The following TNFSF13 variants were observed in gnomAD, a reference collection of about 807,000 sequenced individuals.
TNFSF13 encodes the protein tumor necrosis factor ligand superfamily member 13.
A neutral mutation model predicts 30.7 loss-of-function variants in TNFSF13; 18 were observed. The ratio of observed to expected loss-of-function variants is 0.59; its 90% CI spans 0.41 to 0.87. The LOEUF (loss-of-function observed/expected upper bound fraction) is 0.87, where lower values mean the gene tolerates loss of function less well. Ranked by LOEUF, TNFSF13 falls within the 40% of genes least tolerant of loss-of-function variation. The pLI is 0.00. For missense variants in TNFSF13, 286 were observed against 308.8 expected (o/e 0.93, Z 0.55); for synonymous variants, 116 against 123.2 (o/e 0.94, Z 0.39).
Position 7,560,959 on chromosome 17 carries a change from C to T in TNFSF13, c.*126C>T, listed in dbSNP as rs1466258509. 3.1e-6 allele frequency: 5 copies of T among 1,614,054 alleles called. No individual in the cohort carries two copies. In the East Asian group the frequency reaches 8.9e-5, roughly 29 times the overall value. ...CAGAGGCGTCTTCCTGGGTTTGGCT[C>T]CCCGTTCCTCACTTTTCCCTTTTCA... On this transcript the variant is annotated 3_prime_UTR_variant, in exon 6 of 6. Coordinates refer to ENST00000338784, the MANE Select transcript of TNFSF13 (RefSeq NM_003808.4).
Position 7,561,289 on chromosome 17 carries a change from CCTT to C in TNFSF13, c.*459_*461del. On this transcript the variant is annotated 3_prime_UTR_variant, in exon 6 of 6. Coordinates refer to ENST00000338784, the MANE Select transcript of TNFSF13 (RefSeq NM_003808.4). This position sits in a 1 kb window ranked among gnomAD's most constrained non-coding sequence, Gnocchi z 4.4. ...CCCCACAAGAAGCCTTATCCTACGT[CCTT>C]CTCTCCATCTATCGGACCCCAGTTT... The C allele has an allele frequency of 1.9e-6, 1 of 535,228 alleles. No homozygotes were observed. Among genetic ancestry groups the C allele is most frequent in the Non-Finnish European group, 3.3e-6 (1 of 298,564 alleles). 33.2% of individuals were successfully genotyped at this position (535,228 alleles called of 1,614,324 possible).
Position 7,560,931 on chromosome 17 carries a change from G to T in TNFSF13, c.*98G>T. The T allele has an allele frequency of 6.2e-7, 1 of 1,614,148 alleles. No homozygotes were observed. Among genetic ancestry groups the T allele is most frequent in the East Asian group, 2.2e-5 (1 of 44,888 alleles). On this transcript the variant is annotated 3_prime_UTR_variant, in exon 6 of 6. Transcript: ENST00000338784. Reference sequence around the variant, plus strand: ...TATATAAAGGAGAGGGAATGTGCAGGAACAGAGGCGTCTTCCTGGGTTTGG... The same window carrying T: ...TATATAAAGGAGAGGGAATGTGCAGTAACAGAGGCGTCTTCCTGGGTTTGG...
Position 7,559,667 on chromosome 17 carries a change from G to A in TNFSF13, c.302G>A (p.Arg101Gln), listed in dbSNP as rs1211999318. ...GCCTGGGAGAATGGGGAGAGATCCC[G>A]GAAAAGGAGAGCAGTGCTCACCCAA... is the stretch of plus-strand genomic sequence containing the variant. ...LEAWENGERS[R>Q]KRRAVLTQKQ... is the part of the protein sequence containing the mutation. Residue 101 changes from arginine (R) to glutamine (Q), a missense_variant, in exon 2 of 6, where the codon CGG becomes CAG. By Grantham distance (43) the Arg-to-Gln change is conservative. Coordinates refer to ENST00000338784, the MANE Select transcript of TNFSF13 (RefSeq NM_003808.4). This position sits in a 1 kb window ranked among gnomAD's most constrained non-coding sequence, Gnocchi z 5.4. 1.9e-6 allele frequency: 3 copies of A among 1,613,766 alleles called. No homozygotes were observed. Among genetic ancestry groups the A allele is most frequent in the Non-Finnish European group, 2.5e-6 (3 of 1,179,918 alleles).
chr17:7,559,095 G>A lies in TNFSF13; in HGVS notation c.56G>A (p.Gly19Glu). 4 of 1,597,802 alleles carry A rather than the reference G, an allele frequency of 2.5e-6. No individual in the cohort carries two copies. The highest frequency in any genetic ancestry group is 3.4e-6 in the Non-Finnish European group (4 of 1,168,262). ...LAPKGPPGNMGGPVREPALSV... is the reference protein window; with the variant it reads ...LAPKGPPGNMEGPVREPALSV... ...CCCAAAGGGCCTCCAGGCAACATGG[G>A]GGGCCCAGTCAGAGAGCCGGCACTC... The change falls in exon 1 of 6, where the codon GGG becomes GAG. Residue 19 changes from glycine to glutamate, a missense_variant. Gly to Glu is a moderately conservative substitution (Grantham distance 98). Coordinates refer to ENST00000338784, the MANE Select transcript of TNFSF13 (RefSeq NM_003808.4). The surrounding 1 kb of genome is among the most constrained non-coding windows in gnomAD (Gnocchi z 5.4).
In TNFSF13 at chr17:7,559,918, T is replaced by C; in HGVS notation, c.385+25T>C. 6.2e-7 allele frequency: 1 copy of C among 1,613,980 alleles called. No homozygotes were observed. The highest frequency in any genetic ancestry group is 8.5e-7 in the Non-Finnish European group (1 of 1,179,996). On this transcript the variant is annotated intron_variant, in intron 3 of 5. Coordinates refer to ENST00000338784, the MANE Select transcript of TNFSF13 (RefSeq NM_003808.4). This position sits in a 1 kb window ranked among gnomAD's most constrained non-coding sequence, Gnocchi z 5.4. ...GGTGAGCACTATTTTAAATAATGGCTTTGGGGAGGGGCAATAACCAGGAAC... is the reference window on the plus strand; with the variant it reads ...GGTGAGCACTATTTTAAATAATGGCCTTGGGGAGGGGCAATAACCAGGAAC...
rs2071119456 is a variant in TNFSF13 at position 7,558,985 on chromosome 17, C to G, written c.-55C>G. 1.3e-6 allele frequency: 2 copies of G among 1,481,730 alleles called. No homozygotes were observed. Among genetic ancestry groups the G allele is most frequent in the Admixed American group, 2.3e-5 (1 of 43,302 alleles). 91.8% of individuals were successfully genotyped at this position (1,481,730 alleles called of 1,614,324 possible). ...CTGCCCGTACCCTTACCCGCCCCGC[C>G]ACCTCCTTGCTACCCCACTCTTGAA... On this transcript the variant is annotated 5_prime_UTR_variant, in exon 1 of 6. Transcript: ENST00000338784. This position sits in a 1 kb window ranked among gnomAD's most constrained non-coding sequence, Gnocchi z 4.3.
rs1457555747 is a variant in TNFSF13, at chr17:7,559,713, C to T, written c.337+11C>T. 6.2e-7 allele frequency: 1 copy of T among 1,613,692 alleles called. No individual in the cohort carries two copies. The highest frequency in any genetic ancestry group is 1.3e-5 in the African/African-American group (1 of 74,870). Reference sequence around the variant, plus strand: ...CCCAAAAACAGAAGAGTGAGGCTTCCAGGGTGCAGCAGGGGTGGGAGGTGA... The same window carrying T: ...CCCAAAAACAGAAGAGTGAGGCTTCTAGGGTGCAGCAGGGGTGGGAGGTGA... On this transcript the variant is annotated intron_variant, in intron 2 of 5. Transcript: ENST00000338784. The surrounding 1 kb of genome is among the most constrained non-coding windows in gnomAD (Gnocchi z 5.4).
At position 7,559,888 on chromosome 17, in the gene TNFSF13, C is replaced by T; in HGVS notation, c.380C>T (p.Ser127Phe). 6.2e-7 allele frequency: 1 copy of T among 1,614,130 alleles called. No homozygotes were observed. Among genetic ancestry groups the T allele is most frequent in the Non-Finnish European group, 8.5e-7 (1 of 1,180,038 alleles). Residue 127 changes from serine to phenylalanine, a missense_variant, in exon 3 of 6, where the codon TCC becomes TTC. By Grantham distance (155) the Ser-to-Phe change is radical (BLOSUM62 -2). Transcript: ENST00000338784. This position sits in a 1 kb window ranked among gnomAD's most constrained non-coding sequence, Gnocchi z 5.4. ...VLHLVPINATSKDDSDVTEVM... is the reference protein window; with the variant it reads ...VLHLVPINATFKDDSDVTEVM... ...CACCTGGTTCCCATTAACGCCACCT[C>T]CAAGGGTGAGCACTATTTTAAATAA...
At chr17:7,560,674 C>G in intron 5 of TNFSF13, 50 bp from the exon 6 acceptor site, 1 of 1,613,294 alleles carries the variant, frequency 6.2e-7, no homozygotes, top group Non-Finnish European at 8.5e-7. Context: ...GGAAACAGGG[C>G]ATCTGGATGG....
In TNFSF13 at chr17:7,561,357, C is replaced by T. The variant is rs1266852728; in HGVS notation, c.*524C>T. 2 of 301,506 alleles carry T rather than the reference C, an allele frequency of 6.6e-6. No individual in the cohort carries two copies. The highest frequency in any genetic ancestry group is 4.4e-5 in the African/African-American group (2 of 45,412). The allele number at this position is 301,506 out of a possible 1,614,324, so 18.7% of individuals were successfully genotyped here. A position where few individuals can be genotyped will look rare whatever the true frequency, so the allele number is the denominator to read the frequency against. On this transcript the variant is annotated 3_prime_UTR_variant, in exon 6 of 6. Transcript: ENST00000338784. The surrounding 1 kb of genome is among the most constrained non-coding windows in gnomAD (Gnocchi z 4.4). ...AGAGATGTAGCTATTATGCGCCCGT[C>T]TACAGGGGGTGCCCGACGATGACGG... is the stretch of plus-strand genomic sequence containing the variant.
chr17:7,559,826 TTCCC>T lies in TNFSF13; in HGVS notation c.338-16_338-13del. 6.2e-7 allele frequency: 1 copy of T among 1,613,968 alleles called. No homozygotes were observed. ...CGGGGGAAAGTGGATGCGGCTGAGA[TTCCC>T]TCCTTCTCTCCTCAGAGCAGCACTC... On this transcript the variant is annotated splice_polypyrimidine_tract_variant and intron_variant, in intron 2 of 5. Transcript: ENST00000338784. This position sits in a 1 kb window ranked among gnomAD's most constrained non-coding sequence, Gnocchi z 5.4.
In TNFSF13 at chr17:7,560,452, C is replaced by T. The variant is rs959623206; in HGVS notation, c.607C>T (p.His203Tyr). The T allele has an allele frequency of 3.1e-6, 5 of 1,614,076 alleles. No individual in the cohort carries two copies. The African/African-American group carries it at 5.3e-5, about 17-fold the overall frequency. Residue 203 changes from histidine to tyrosine, a missense_variant, in exon 5 of 6, where the codon CAC becomes TAC. Coordinates refer to ENST00000338784, the MANE Select transcript of TNFSF13 (RefSeq NM_003808.4). The part of the protein sequence containing the change: ...LFRCIRSMPS[H>Y]PDRAYNSCYS... ...CCGATGTATAAGAAGTATGCCCTCC[C>T]ACCCGGACCGGGCCTACAACAGCTG...
chr17:7,560,256 C>G lies in TNFSF13; in HGVS notation c.504+89C>G. 4 of 1,610,780 alleles carry G rather than the reference C, an allele frequency of 2.5e-6. No homozygotes were observed. In the South Asian group the frequency reaches 3.3e-5, roughly 13 times the overall value. ...ACCCCTCTATTCATACCAAACCCAG[C>G]AGACCCTTCTTTCTTCCCTCGTTAG... On this transcript the variant is annotated intron_variant, in intron 4 of 5. Transcript: ENST00000338784.
rs763005878 is a variant in TNFSF13 at position 7,559,114 on chromosome 17, G to A, written c.75G>A (p.Pro25=). The A allele has an allele frequency of 3.1e-5, 50 of 1,604,300 alleles. No individual in the cohort carries two copies. In the Admixed American group the frequency reaches 5.0e-4, roughly 16 times the overall value. ...PGNMGGPVRE[P]ALSVALWLSW... is the part of the protein sequence containing the mutation. ...ACATGGGGGGCCCAGTCAGAGAGCC[G>A]GCACTCTCAGTTGCCCTCTGGTTGA... Residue 25 remains proline, a synonymous_variant, in exon 1 of 6, where the codon CCG becomes CCA. Coordinates refer to ENST00000338784, the MANE Select transcript of TNFSF13 (RefSeq NM_003808.4). This position sits in a 1 kb window ranked among gnomAD's most constrained non-coding sequence, Gnocchi z 5.4.
Position 7,559,240 on chromosome 17 carries a change from G to A in TNFSF13, c.201G>A (p.Gly67=), listed in dbSNP as rs1484437781. 1.2e-6 allele frequency: 2 copies of A among 1,610,206 alleles called. No individual in the cohort carries two copies. The highest frequency in any genetic ancestry group is 1.7e-6 in the Non-Finnish European group (2 of 1,179,254). The change falls in exon 1 of 6, where the codon GGG becomes GGA. Residue 67 remains glycine (G), a synonymous_variant. Coordinates refer to ENST00000338784, the MANE Select transcript of TNFSF13 (RefSeq NM_003808.4). The surrounding 1 kb of genome is among the most constrained non-coding windows in gnomAD (Gnocchi z 5.4). ...SLRREVSRLQ[G]TGGPSQNGEG... is the part of the protein sequence containing the mutation. ...GGAGAGAGGTGAGCCGGCTGCAGGG[G>A]ACAGGAGGCCCCTCCCAGAATGGGG... is the stretch of plus-strand genomic sequence containing the variant.
intron 5 of TNFSF13, 52 bp downstream of exon 5, chr17:7,560,540 A>C (rs766462351): frequency 9.4e-5 from 152 of 1,612,074 alleles, no homozygotes; most frequent in South Asian, 2.2e-5. Context: ...CGGGGGTAGC[A>C]GTGCAGGGAG....
chr17:7,561,190 G>A lies in TNFSF13; in HGVS notation c.*357G>A, dbSNP rs2071197954. 2.3e-6 allele frequency: 2 copies of A among 885,080 alleles called. No homozygotes were observed. The highest frequency in any genetic ancestry group is 3.5e-6 in the Non-Finnish European group (2 of 566,416). 54.8% of individuals were successfully genotyped at this position (885,080 alleles called of 1,614,324 possible). A position where few individuals can be genotyped will look rare whatever the true frequency, so the allele number is the denominator to read the frequency against. On this transcript the variant is annotated 3_prime_UTR_variant, in exon 6 of 6. Transcript: ENST00000338784. The surrounding 1 kb of genome is among the most constrained non-coding windows in gnomAD (Gnocchi z 4.4). Reference sequence around the variant, plus strand: ...CACCCGCCGGTTGGCCGAAGTCCACGAAGCCGCCCTCTGCTAGGGAAAACC... The same window carrying A: ...CACCCGCCGGTTGGCCGAAGTCCACAAAGCCGCCCTCTGCTAGGGAAAACC...
In TNFSF13 at chr17:7,559,978, G is replaced by A. The variant is rs557285127; in HGVS notation, c.386-71G>A. ...CACTTGGGCTCAAGGGGTCCTTATAGGTGAAAGGGAAAGAACCAAAAAGCA... is the reference window on the plus strand; with the variant it reads ...CACTTGGGCTCAAGGGGTCCTTATAAGTGAAAGGGAAAGAACCAAAAAGCA... On this transcript the variant is annotated intron_variant, in intron 3 of 5. Transcript: ENST00000338784. This position sits in a 1 kb window ranked among gnomAD's most constrained non-coding sequence, Gnocchi z 5.4. The A allele has an allele frequency of 6.2e-7, 1 of 1,613,904 alleles. No homozygotes were observed. The highest frequency in any genetic ancestry group is 1.1e-5 in the South Asian group (1 of 91,072).
chr17:7,561,204 C>A lies in TNFSF13; in HGVS notation c.*371C>A. 1 of 751,012 alleles carries A rather than the reference C, an allele frequency of 1.3e-6. No homozygotes were observed. The highest frequency in any genetic ancestry group is 2.2e-6 in the Non-Finnish European group (1 of 454,066). The allele number at this position is 751,012 out of a possible 1,614,324, so 46.5% of individuals were successfully genotyped here. Reference sequence around the variant, plus strand: ...CCGAAGTCCACGAAGCCGCCCTCTGCTAGGGAAAACCCCTGGTTCTCCATG... The same window carrying A: ...CCGAAGTCCACGAAGCCGCCCTCTGATAGGGAAAACCCCTGGTTCTCCATG... On this transcript the variant is annotated 3_prime_UTR_variant, in exon 6 of 6. Transcript: ENST00000338784. The surrounding 1 kb of genome is among the most constrained non-coding windows in gnomAD (Gnocchi z 4.4).
Sources: gnomAD v4.1 joint callset for allele counts on GRCh38, gnomAD v4.1.1 for gene constraint, Gnocchi (gnomAD v3.1) non-coding constraint, MANE v1.5 for transcripts, NCBI Gene and HGNC (gene_info 2026-07-23, HGNC 2026-07-21) for gene names.